The following ANLN variants were observed in gnomAD, a reference collection of about 807,000 sequenced individuals.
The protein encoded by ANLN is anillin, actin binding protein, also known as anillin.
ANLN carries 59 observed loss-of-function variants against 135.1 expected under a neutral mutation model. That is an observed-to-expected ratio of 0.44 (90% confidence interval 0.35 to 0.54). The LOEUF (loss-of-function observed/expected upper bound fraction) is 0.54. Among genes scored for constraint, ANLN ranks in the 20% least tolerant of loss-of-function variants. ANLN has a pLI of 0.00. For synonymous variants in ANLN, 406 were observed against 456.4 expected, an observed-to-expected ratio of 0.89 and a Z score of 1.41; for missense variants, 1,182 against 1,340.0, an observed-to-expected ratio of 0.88 and a Z score of 1.84.
intron 12 of ANLN, among the ~76,000 whole-genome samples, chr7:36,421,129 G>A (rs1331148641): frequency 5.9e-5 from 9 of 151,602 alleles, no homozygotes; most frequent in South Asian, 2.1e-4. Flanking sequence ...TTGTAATGGC[G>A]CAATCTTGGC....
chr7:36,420,508 T>A (rs1787832082), intron 11 of ANLN, 89 bp from the exon 12 acceptor site: 7 of 1,286,676 alleles, frequency 5.4e-6, no homozygotes, highest in African/African-American at 1.5e-5. Flanking sequence ...ATGTTCAATA[T>A]CAGTGTCAAA....
intron 20 of ANLN, among the ~76,000 whole-genome samples, chr7:36,434,699 A>G (rs1407038840): frequency 6.6e-6 from 1 of 152,054 alleles, no homozygotes. Context: ...CCCCATCTCT[A>G]TTAAAAATAC....
At chr7:36,415,524 ACCT>A (rs1433725219) in intron 7 of ANLN, among the ~76,000 whole-genome samples, 1 of 151,678 alleles carries the variant, frequency 6.6e-6, no homozygotes, top group East Asian at 1.9e-4. Flanking sequence ...CTTTCTTGCC[ACCT>A]CCTCTCCAAA....
intron 1 of ANLN, among the ~76,000 whole-genome samples, chr7:36,391,783 A>G (rs1786476570): frequency 6.6e-6 from 1 of 152,226 alleles, no homozygotes; most frequent in African/African-American, 2.4e-5. Flanking sequence ...CCCTACAAAC[A>G]TAGGAAATAA....
rs748077424 is a variant in ANLN at position 36,424,688 on chromosome 7, G to A, written c.2655G>A (p.Val885=). The change falls in exon 17 of 24, where the codon GTG becomes GTA. Residue 885 remains valine, a splice_region_variant and synonymous_variant. Coordinates refer to ENST00000265748, the MANE Select transcript of ANLN (RefSeq NM_018685.5). ...FEINIEVYSL[V]QKKDPSGLDK... Reference sequence around the variant, plus strand: ...TTATGCTTTGGGTTTGTGCGTAGGTGCAAAAGAAAGATCCCTCAGGCCTTG... The same window carrying A: ...TTATGCTTTGGGTTTGTGCGTAGGTACAAAAGAAAGATCCCTCAGGCCTTG... 8 of 1,611,874 alleles carry A rather than the reference G, an allele frequency of 5.0e-6. No homozygotes were observed. Among genetic ancestry groups the A allele is most frequent in the East Asian group, 4.5e-5 (2 of 44,758 alleles).
At chr7:36,438,382 G>T (rs1788631459) in intron 20 of ANLN, among the ~76,000 whole-genome samples, 1 of 152,030 alleles carries the variant, frequency 6.6e-6, no homozygotes, top group Non-Finnish European at 1.5e-5. Context: ...TTTTGATTTT[G>T]TTTCTTTGAG....
rs182445235 is a variant in ANLN at position 36,403,361 on chromosome 7, G to T, written c.488-2820G>T. ...ATTTCAACTTCACATATGTTATTTG[G>T]GATATCTGTGGGAGAGCCAAATGGA... On this transcript the variant is annotated intron_variant, in intron 3 of 23. Coordinates refer to ENST00000265748, the MANE Select transcript of ANLN (RefSeq NM_018685.5). The T allele has an allele frequency of 5.9e-5, 9 of 152,256 alleles. No individual in the cohort carries two copies. The East Asian group carries it at 1.7e-3, about 29-fold the overall frequency. The allele number at this position is 152,256 out of a possible 1,614,324, so 9.4% of individuals were successfully genotyped here. A position where few individuals can be genotyped will look rare whatever the true frequency, so the allele number is the denominator to read the frequency against.
At chr7:36,446,238 A>G (rs1788992838) in intron 22 of ANLN, among the ~76,000 whole-genome samples, 2 of 152,148 alleles carry the variant, frequency 1.3e-5, no homozygotes, top group Non-Finnish European at 2.9e-5. Flanking sequence ...CCTGGAGTCA[A>G]AGATTTCTTT....
chr7:36,435,766 G>A (rs10248530), intron 20 of ANLN, among the ~76,000 whole-genome samples: 34,589 of 148,370 alleles, frequency 0.23, 4,164 homozygotes, highest in East Asian at 0.42. Context: ...CCAGCTACTC[G>A]GGAGGCTGAG....
chr7:36,410,650 A>G lies in ANLN; in HGVS notation c.1233A>G (p.Leu411=). 3 of 1,614,160 alleles carry G rather than the reference A, an allele frequency of 1.9e-6. No individual in the cohort carries two copies. Among genetic ancestry groups the G allele is most frequent in the South Asian group, 1.1e-5 (1 of 91,086 alleles). Residue 411 remains leucine (L), a synonymous_variant, in exon 6 of 24, where the codon TTA becomes TTG. Transcript: ENST00000265748. ...TPNTKAIQER[L]FKQDTSSSTT... ...ATACAAAGGCCATCCAAGAAAGATT[A>G]TTCAAGCAAGACACATCTTCATCTA... is the stretch of plus-strand genomic sequence containing the variant.
chr7:36,408,502 AT>A (rs1320288634), intron 5 of ANLN, among the ~76,000 whole-genome samples: 1 of 152,198 alleles, frequency 6.6e-6, no homozygotes, highest in Non-Finnish European at 1.5e-5. Context: ...AACTTAATAC[AT>A]TTATATAATT....
intron 5 of ANLN, among the ~76,000 whole-genome samples, chr7:36,409,199 A>G (rs1405248732): frequency 6.6e-6 from 1 of 152,218 alleles, no homozygotes; most frequent in Non-Finnish European, 1.5e-5. Context: ...TGGCTACTGG[A>G]TATACCCAGA....
At chr7:36,426,130 A>G (rs1035239526) in intron 19 of ANLN, 94 bp downstream of exon 19, 3 of 900,008 alleles carry the variant, frequency 3.3e-6, no homozygotes, top group Admixed American at 5.8e-5. Context: ...TGATTTGTGA[A>G]TGTTTACCTT....
chr7:36,413,741 A>G (rs1158656097), intron 7 of ANLN, among the ~76,000 whole-genome samples: 6 of 152,220 alleles, frequency 3.9e-5, no homozygotes, highest in African/African-American at 1.4e-4. Flanking sequence ...CTGTAATCCC[A>G]GCACTTTAGG....
chr7:36,419,264 A>G lies in ANLN; in HGVS notation c.1654A>G (p.Met552Val), dbSNP rs1787770823. The G allele has an allele frequency of 2.5e-6, 4 of 1,613,360 alleles. No individual in the cohort carries two copies. Among genetic ancestry groups the G allele is most frequent in the African/African-American group, 2.7e-5 (2 of 74,898 alleles). The stretch of plus-strand genomic sequence containing the variant: ...TTCAGAAGTGATACGTGAAATTGAG[A>G]TGAGTGTGGATGATGATGATATCAA... ...QKIEVIREIEMSVDDDDINSS... is the reference protein window; with the variant it reads ...QKIEVIREIEVSVDDDDINSS... Residue 552 changes from methionine (M) to valine (V), a missense_variant, in exon 10 of 24, where the codon ATG becomes GTG. Coordinates refer to ENST00000265748, the MANE Select transcript of ANLN (RefSeq NM_018685.5).
rs531507584 is a variant in ANLN, at chr7:36,426,021, A to G, written c.2755A>G (p.Asn919Asp). Reference protein sequence around the residue: ...RLLTSITTKSNIHSSVMASPG... With the variant: ...RLLTSITTKSDIHSSVMASPG... Reference sequence around the variant, plus strand: ...CCTTTTTTTTTTTTTTTAGAAAAGCAACATTCATTCTTCAGGTGAGTGTAT... The same window carrying G: ...CCTTTTTTTTTTTTTTTAGAAAAGCGACATTCATTCTTCAGGTGAGTGTAT... The change falls in exon 19 of 24, where the codon AAC becomes GAC. Residue 919 changes from asparagine to aspartate, a missense_variant. By Grantham distance (23) the Asn-to-Asp change is conservative. Around this residue, in one of 3 missense-constraint regions of ANLN, gnomAD observed 1,022 missense variants for 1,134.0 expected, o/e 0.90. Coordinates refer to ENST00000265748, the MANE Select transcript of ANLN (RefSeq NM_018685.5). The G allele has an allele frequency of 2.6e-6, 4 of 1,516,476 alleles. No homozygotes were observed. In the African/African-American group the frequency reaches 5.6e-5, roughly 21 times the overall value. 93.9% of individuals were successfully genotyped at this position (1,516,476 alleles called of 1,614,324 possible). A position where few individuals can be genotyped will look rare whatever the true frequency, so the allele number is the denominator to read the frequency against.
intron 20 of ANLN, among the ~76,000 whole-genome samples, chr7:36,428,527 T>C (rs879550263): frequency 2.6e-5 from 4 of 152,284 alleles, no homozygotes; most frequent in Middle Eastern, 3.4e-3. Flanking sequence ...TGTCTTTTTC[T>C]CCACTCTCAA....
At chr7:36,441,648 C>T (rs1261233952) in intron 21 of ANLN, among the ~76,000 whole-genome samples, 1 of 152,224 alleles carries the variant, frequency 6.6e-6, no homozygotes, top group Non-Finnish European at 1.5e-5. Context: ...TGTGATGTCA[C>T]TTAATTTCCT....
chr7:36,399,493 T>A lies in ANLN; in HGVS notation c.487+100T>A, dbSNP rs572019964. On this transcript the variant is annotated intron_variant, in intron 3 of 23. Coordinates refer to ENST00000265748, the MANE Select transcript of ANLN (RefSeq NM_018685.5). ...CAGTTAACTCATGAAAAATAAATGC[T>A]TTTGTTTTATCTATATGTTGAGTAT... The A allele has an allele frequency of 5.5e-6, 6 of 1,081,452 alleles. No individual in the cohort carries two copies. In the South Asian group the frequency reaches 6.7e-5, roughly 12 times the overall value. The allele number at this position is 1,081,452 out of a possible 1,614,324, so 67.0% of individuals were successfully genotyped here. A position where few individuals can be genotyped will look rare whatever the true frequency, so the allele number is the denominator to read the frequency against.
Sources: gnomAD v4.1 joint callset for allele counts (sites outside exome capture counted in the v4.1 genomes callset) on GRCh38, gnomAD v4.1.1 for gene constraint, gnomAD v4.1.1 regional missense constraint, MANE v1.5 for transcripts, NCBI Gene and HGNC (gene_info 2026-07-23, HGNC 2026-07-21) for gene names.